Variants in SCAMP1 observed in about 807,000 individuals in gnomAD.
SCAMP1 encodes the protein secretory carrier membrane protein 1.
SCAMP1 carries 15 observed loss-of-function variants against 41.8 expected under a neutral mutation model. The observed-to-expected ratio is 0.36, with a 90% confidence interval of 0.24 to 0.55. SCAMP1 has a LOEUF of 0.55. Among genes scored for constraint, SCAMP1 ranks in the 20% least tolerant of loss-of-function variants. The probability of loss-of-function intolerance (pLI) is 0.86; values close to 1 mark genes in which losing one functional copy is unlikely to be tolerated. For missense variants in SCAMP1, 341 were observed against 412.6 expected, an observed-to-expected ratio of 0.83 and a Z score of 1.50; for synonymous variants, 135 against 136.8, an observed-to-expected ratio of 0.99 and a Z score of 0.09.
At chr5:78,465,394 C>T (rs142861822) in intron 8 of SCAMP1, among the ~76,000 whole-genome samples, 6 of 152,180 alleles carry the variant, frequency 3.9e-5, no homozygotes, top group Non-Finnish European at 5.9e-5. Flanking sequence ...GTTTGGTGTC[C>T]TCAACTGTAC....
At chr5:78,467,545 T>C (rs1282897553) in intron 8 of SCAMP1, among the ~76,000 whole-genome samples, 4 of 152,188 alleles carry the variant, frequency 2.6e-5, no homozygotes, top group Non-Finnish European at 4.4e-5. Context: ...AATAAAAGTA[T>C]TGATATGGAT....
intron 2 of SCAMP1, among the ~76,000 whole-genome samples, chr5:78,395,184 A>AT (rs906897005): frequency 1.3e-5 from 2 of 152,060 alleles, no homozygotes; most frequent in Admixed American, 6.5e-5. Flanking sequence ...TTCGTAGACC[A>AT]TTTTTTTAGG....
chr5:78,368,757 C>T (rs1750861593), intron 1 of SCAMP1, among the ~76,000 whole-genome samples: 1 of 152,024 alleles, frequency 6.6e-6, no homozygotes, highest in Non-Finnish European at 1.5e-5. Flanking sequence ...ATTTAGTCTA[C>T]AGAGGGCTAA....
At chr5:78,401,637 T>TTGGTTATCATTTTAATGTCTA (rs1751800814) in intron 2 of SCAMP1, among the ~76,000 whole-genome samples, 1 of 152,306 alleles carries the variant, frequency 6.6e-6, no homozygotes, top group African/African-American at 2.4e-5. Flanking sequence ...ATAGTATGTC[T>TTGGTTATCATTTTAATGTCTA]TGGTTATCAT....
chr5:78,471,303 G>A (rs1753877717), intron 8 of SCAMP1, among the ~76,000 whole-genome samples: 1 of 152,098 alleles, frequency 6.6e-6, no homozygotes, highest in Non-Finnish European at 1.5e-5. Flanking sequence ...GTGAGATTTC[G>A]ACATGGTGAA....
chr5:78,452,219 A>G (rs1260124048), intron 7 of SCAMP1, among the ~76,000 whole-genome samples: 2 of 150,646 alleles, frequency 1.3e-5, no homozygotes, highest in African/African-American at 4.9e-5. Flanking sequence ...GTTTTAGGGT[A>G]CATGTGCACA....
chr5:78,363,579 G>T, intron 1 of SCAMP1, among the ~76,000 whole-genome samples: 1 of 152,226 alleles, frequency 6.6e-6, no homozygotes, highest in East Asian at 1.9e-4. Flanking sequence ...ATGATATTTC[G>T]CATTTGGTAA....
At chr5:78,445,028 AC>A (rs1389617775) in intron 6 of SCAMP1, among the ~76,000 whole-genome samples, 1 of 152,218 alleles carries the variant, frequency 6.6e-6, no homozygotes, top group East Asian at 1.9e-4. Context: ...AGAGTTAAAT[AC>A]ATTTAGTGGT....
intron 6 of SCAMP1, among the ~76,000 whole-genome samples, chr5:78,435,431 G>T (rs1752725601): frequency 6.6e-6 from 1 of 152,126 alleles, no homozygotes; most frequent in African/African-American, 2.4e-5. Context: ...TGCGTCCAAG[G>T]GTTCTCATTG....
intron 6 of SCAMP1, among the ~76,000 whole-genome samples, chr5:78,436,660 G>T (rs866393149): frequency 1.3e-5 from 2 of 152,326 alleles, no homozygotes; most frequent in Non-Finnish European, 1.5e-5. Flanking sequence ...GTAGTGTGAT[G>T]CCTCCAGCTT....
At chr5:78,407,434 C>T (rs1283700543) in intron 2 of SCAMP1, among the ~76,000 whole-genome samples, 2 of 152,096 alleles carry the variant, frequency 1.3e-5, no homozygotes, top group African/African-American at 4.8e-5. Flanking sequence ...TGAAAGGATA[C>T]ACAGTGGTTT....
chr5:78,398,754 A>G (rs1751724257), intron 2 of SCAMP1, among the ~76,000 whole-genome samples: 1 of 151,850 alleles, frequency 6.6e-6, no homozygotes, highest in African/African-American at 2.4e-5. Context: ...CATGTTGGCC[A>G]GGCTGGTCTC....
At chr5:78,395,337 C>T (rs1172783090) in intron 2 of SCAMP1, among the ~76,000 whole-genome samples, 2 of 152,124 alleles carry the variant, frequency 1.3e-5, no homozygotes, top group Non-Finnish European at 2.9e-5. Flanking sequence ...AGACTGACTC[C>T]CCATTGTATA....
intron 2 of SCAMP1, among the ~76,000 whole-genome samples, chr5:78,403,132 A>T (rs536179449): frequency 6.6e-6 from 1 of 152,124 alleles, no homozygotes; most frequent in African/African-American, 2.4e-5. Flanking sequence ...CGGCCTCCCA[A>T]AGTGCTGGGA....
chr5:78,438,373 A>G (rs575514343), intron 6 of SCAMP1, among the ~76,000 whole-genome samples: 65 of 152,218 alleles, frequency 4.3e-4, no homozygotes, highest in Non-Finnish European at 7.3e-4. Context: ...TTCCCTCTAC[A>G]CACTGCTTTA....
intron 1 of SCAMP1, among the ~76,000 whole-genome samples, chr5:78,383,424 T>C (rs535908852): frequency 8.5e-5 from 13 of 152,338 alleles, no homozygotes; most frequent in African/African-American, 3.1e-4. Context: ...GTGCACAAGC[T>C]TTTTAGTTTA....
At chr5:78,411,042 T>C (rs948511720) in intron 2 of SCAMP1, among the ~76,000 whole-genome samples, 5 of 152,212 alleles carry the variant, frequency 3.3e-5, no homozygotes, top group Admixed American at 3.3e-4. Flanking sequence ...TATTAGACTT[T>C]TGTCAGATGG....
At chr5:78,429,437 T>C (rs2112162531) in intron 6 of SCAMP1, among the ~76,000 whole-genome samples, 1 of 151,984 alleles carries the variant, frequency 6.6e-6, no homozygotes, top group South Asian at 2.1e-4. Context: ...GAGATAATCA[T>C]GTGATCTTTG....
chr5:78,418,241 T>A (rs1211829491), intron 4 of SCAMP1, among the ~76,000 whole-genome samples: 1 of 152,198 alleles, frequency 6.6e-6, no homozygotes. Flanking sequence ...TCCCAGATTT[T>A]GAGTATTCTA....
Sources: gnomAD v4.1 joint callset for allele counts (sites outside exome capture counted in the v4.1 genomes callset) on GRCh38, gnomAD v4.1.1 for gene constraint, MANE v1.5 for transcripts, NCBI Gene and HGNC (gene_info 2026-07-23, HGNC 2026-07-21) for gene names.